Variants in TCF20 observed in about 807,000 individuals in gnomAD.
TCF20 encodes transcription factor 20.
In TCF20, 3 loss-of-function variants were observed where a neutral mutation model predicts 148.6. The observed-to-expected ratio is 0.02, with a 90% CI of 0.01 to 0.05. The LOEUF (loss-of-function observed/expected upper bound fraction) is 0.05. Among genes scored for constraint, TCF20 ranks in the 10% least tolerant of loss-of-function variants. The pLI, the probability that TCF20 is intolerant of heterozygous loss-of-function variation, is 1.00. For missense variants in TCF20, 2,350 were observed against 2,429.3 expected, an observed-to-expected ratio of 0.97 and a Z score of 0.69; for synonymous variants, 1,049 against 909.5, an observed-to-expected ratio of 1.15 and a Z score of -2.76.
At chr22:42,339,906 A>G (rs1215574979) in intron 1 of TCF20, among the ~76,000 whole-genome samples, 2 of 152,154 alleles carry the variant, frequency 1.3e-5, no homozygotes, top group African/African-American at 4.8e-5. Context: ...AGGATGCACG[A>G]AAGAGTTTTA....
chr22:42,272,234 A>T (rs902398724), upstream of TCF20, among the ~76,000 whole-genome samples: 1 of 152,164 alleles, frequency 6.6e-6, no homozygotes, highest in Non-Finnish European at 1.5e-5. Flanking sequence ...AGGCCTCAAG[A>T]CTTTTAAAAG....
intron 3 of TCF20, among the ~76,000 whole-genome samples, chr22:42,174,847 A>T (rs547451301): frequency 7.4e-4 from 112 of 152,204 alleles, no homozygotes; most frequent in African/African-American, 2.5e-3. Context: ...CATCCCGGCT[A>T]ACACGGTGAA....
At chr22:42,253,130 T>C (rs1198429606) in intron 1 of TCF20, among the ~76,000 whole-genome samples, 1 of 151,890 alleles carries the variant, frequency 6.6e-6, no homozygotes, top group Non-Finnish European at 1.5e-5. Context: ...AAAGAAAAAA[T>C]TTCCTATTTC....
At chr22:42,196,162 G>A (rs1012718425) in intron 2 of TCF20, among the ~76,000 whole-genome samples, 6 of 152,236 alleles carry the variant, frequency 3.9e-5, no homozygotes, top group Non-Finnish European at 8.8e-5. Flanking sequence ...TACCCTCAGT[G>A]AGGAGGCACT....
rs1927645944 is a variant in TCF20, at chr22:42,317,086, G to A, written c.-37+26393C>T. 6.6e-6 allele frequency among the ~76,000 whole-genome samples: 1 copy of A among 152,130 alleles called. No homozygotes were observed. The highest frequency in any genetic ancestry group is 6.5e-5 in the Admixed American group (1 of 15,268). On this transcript the variant is annotated intron_variant, in intron 1 of 1. Transcript: ENST00000515426. The surrounding 1 kb of genome is among the most constrained non-coding windows in gnomAD (Gnocchi z 4.2). ...TCCCAGACACCCCAAATCCCCCAAA[G>A]AGCACTGGCAACACTATCCGTCTGC...
At chr22:42,336,631 G>T (rs2147061753) in intron 1 of TCF20, among the ~76,000 whole-genome samples, 1 of 152,140 alleles carries the variant, frequency 6.6e-6, no homozygotes, top group African/African-American at 2.4e-5. Context: ...GGCCCTACTG[G>T]CCCACATGGC....
intron 2 of TCF20, among the ~76,000 whole-genome samples, chr22:42,208,819 A>G (rs1360001773): frequency 6.6e-6 from 1 of 152,194 alleles, no homozygotes; most frequent in Non-Finnish European, 1.5e-5. Flanking sequence ...TCAAAGAACT[A>G]CCACATGACA....
At chr22:42,219,659 C>A (rs921026686) in intron 1 of TCF20, among the ~76,000 whole-genome samples, 52 of 152,112 alleles carry the variant, frequency 3.4e-4, no homozygotes, top group African/African-American at 1.3e-3. Context: ...AGTTCGAGAC[C>A]AGCCTGGGCA....
chr22:42,241,904 G>T (rs1179969607), intron 1 of TCF20, among the ~76,000 whole-genome samples: 3 of 151,676 alleles, frequency 2.0e-5, no homozygotes, highest in African/African-American at 7.3e-5. Flanking sequence ...TACCCAGAAT[G>T]AAAAATAGAA....
intron 2 of TCF20, among the ~76,000 whole-genome samples, chr22:42,198,984 C>G (rs1233279204): frequency 1.3e-5 from 2 of 152,096 alleles, no homozygotes; most frequent in African/African-American, 4.8e-5. Context: ...TATTTCCAAT[C>G]TGCTGTTGAT....
intron 1 of TCF20, among the ~76,000 whole-genome samples, chr22:42,339,178 G>A (rs1406647117): frequency 2.0e-5 from 3 of 152,180 alleles, no homozygotes; most frequent in African/African-American, 7.2e-5. Context: ...TCAGACTCCT[G>A]GCCTAGCGCT....
In TCF20 at chr22:42,309,640, T is replaced by C. The variant is rs527976568; in HGVS notation, c.-37+33839A>G. On this transcript the variant is annotated intron_variant, in intron 1 of 1. Coordinates refer to the TCF20 transcript ENST00000515426. ...ACACCTCTGCCCACACTGTCCCCAA[T>C]GCCAGCAACGCCCCTGCAACTCCCC... 2.8e-5 allele frequency among the ~76,000 whole-genome samples: 4 copies of C among 144,334 alleles called. No individual in the cohort carries two copies. In the East Asian group the frequency reaches 8.0e-4, roughly 29 times the overall value. The allele number at this position is 144,334 out of a possible 152,430, so 94.7% of individuals were successfully genotyped here.
At chr22:42,174,918 C>A (rs1936354418) in intron 3 of TCF20, among the ~76,000 whole-genome samples, 1 of 151,888 alleles carries the variant, frequency 6.6e-6, no homozygotes. Flanking sequence ...GCCTGTAGTC[C>A]CAGCTGCTGG....
chr22:42,229,665 A>T (rs181890977), intron 1 of TCF20, among the ~76,000 whole-genome samples: 7 of 152,320 alleles, frequency 4.6e-5, no homozygotes, highest in Admixed American at 3.9e-4. Flanking sequence ...CACTCCACAC[A>T]GACCATGCGC....
chr22:42,305,438 C>G (rs1000107920), intron 1 of TCF20, among the ~76,000 whole-genome samples: 1 of 152,162 alleles, frequency 6.6e-6, no homozygotes, highest in Non-Finnish European at 1.5e-5. Flanking sequence ...CTCCATGGGT[C>G]TCTCTAAACT....
chr22:42,287,870 A>AAAAAG (rs944171939), upstream of TCF20, among the ~76,000 whole-genome samples: 3 of 152,200 alleles, frequency 2.0e-5, no homozygotes, highest in South Asian at 2.1e-4. Context: ...CTAGCCAAAA[A>AAAAAG]AAAAGAAAAG....
intron 1 of TCF20, among the ~76,000 whole-genome samples, chr22:42,269,555 C>T (rs1000560804): frequency 6.6e-6 from 1 of 152,206 alleles, no homozygotes; most frequent in Non-Finnish European, 1.5e-5. Context: ...GCCCGATTGG[C>T]CACGCTCCTT....
At chr22:42,209,403 G>A (rs1267722230) in intron 2 of TCF20, among the ~76,000 whole-genome samples, 3 of 152,192 alleles carry the variant, frequency 2.0e-5, no homozygotes, top group Non-Finnish European at 4.4e-5. Flanking sequence ...CGTTAGAAAA[G>A]ATGTGGCCCA....
chr22:42,179,736 T>A (rs1033422137), intron 2 of TCF20, 34 bp from the exon 3 acceptor site: 10 of 1,509,178 alleles, frequency 6.6e-6, no homozygotes, highest in African/African-American at 5.5e-5. Context: ...CATGTCAGTA[T>A]CCCAGATTTG....
Sources: gnomAD v4.1 joint callset for allele counts (sites outside exome capture counted in the v4.1 genomes callset) on GRCh38, gnomAD v4.1.1 for gene constraint, Gnocchi (gnomAD v3.1) non-coding constraint, MANE v1.5 for transcripts, NCBI Gene and HGNC (gene_info 2026-07-23, HGNC 2026-07-21) for gene names.